The following ADAMTS2 variants were observed in gnomAD, a reference collection of about 807,000 sequenced individuals.
ADAMTS2 encodes ADAM metallopeptidase with thrombospondin type 1 motif 2.
ADAMTS2 carries 50 observed loss-of-function variants against 123.0 expected under a neutral mutation model. The observed-to-expected ratio is 0.41, with a 90% CI of 0.32 to 0.51. The LOEUF (loss-of-function observed/expected upper bound fraction) is 0.51. Among genes scored for constraint, ADAMTS2 ranks in the 20% least tolerant of loss-of-function variants. The probability of loss-of-function intolerance (pLI) is 0.35; values close to 1 mark genes in which losing one functional copy is unlikely to be tolerated. For missense variants in ADAMTS2, 1,494 were observed against 1,705.2 expected, an observed-to-expected ratio of 0.88 and a Z score of 2.18; for synonymous variants, 678 against 695.4, an observed-to-expected ratio of 0.98 and a Z score of 0.39.
intron 3 of ADAMTS2, among the ~76,000 whole-genome samples, chr5:179,239,123 A>G (rs1335559012): frequency 6.6e-6 from 1 of 152,176 alleles, no homozygotes; most frequent in Non-Finnish European, 1.5e-5. Flanking sequence ...GCTGTTAGAG[A>G]AAAGAATCCC....
intron 3 of ADAMTS2, among the ~76,000 whole-genome samples, chr5:179,245,452 T>C (rs962370049): frequency 6.6e-6 from 1 of 152,044 alleles, no homozygotes; most frequent in African/African-American, 2.4e-5. Context: ...CCAACACAAG[T>C]TGCACAGCAA....
intron 2 of ADAMTS2, among the ~76,000 whole-genome samples, chr5:179,309,229 C>T (rs1186041938): frequency 2.6e-5 from 4 of 152,236 alleles, no homozygotes; most frequent in African/African-American, 7.2e-5. Context: ...CAGGCACCCA[C>T]TGGGGCAGAC....
chr5:179,140,176 G>C, intron 10 of ADAMTS2, 141 bp from the exon 11 acceptor site: 3 of 1,245,720 alleles, frequency 2.4e-6, no homozygotes, highest in African/African-American at 1.5e-5. Flanking sequence ...CTCGCCCCTA[G>C]ATGCTCAGAG....
intron 2 of ADAMTS2, among the ~76,000 whole-genome samples, chr5:179,279,004 G>A (rs546375362): frequency 1.3e-5 from 2 of 152,012 alleles, no homozygotes; most frequent in Non-Finnish European, 2.9e-5. Context: ...CAGCCTGGAA[G>A]TTAGGGGTTC....
At chr5:179,231,980 A>ATC (rs1765421649) in intron 3 of ADAMTS2, among the ~76,000 whole-genome samples, 2 of 152,108 alleles carry the variant, frequency 1.3e-5, no homozygotes, top group African/African-American at 4.8e-5. Context: ...TATCCCAGAG[A>ATC]GTGAAGGCAG....
At position 179,111,493 on chromosome 5, in the gene ADAMTS2, A is replaced by G. The variant is rs1395968594; in HGVS notation, c.*2374T>C. On this transcript the variant is annotated 3_prime_UTR_variant, in exon 22 of 22. Coordinates refer to ENST00000251582, the MANE Select transcript of ADAMTS2 (RefSeq NM_014244.5). Reference sequence around the variant, plus strand: ...TCCGGCTCTAGAGGACTCTTGATATATGGCTCAAGGATTGAGGATGGCACA... The same window carrying G: ...TCCGGCTCTAGAGGACTCTTGATATGTGGCTCAAGGATTGAGGATGGCACA... The G allele has an allele frequency of 6.6e-6, 1 of 152,248 alleles. No individual in the cohort carries two copies. The highest frequency in any genetic ancestry group is 1.5e-5 in the Non-Finnish European group (1 of 68,060). 9.4% of individuals were successfully genotyped at this position (152,248 alleles called of 1,614,324 possible).
chr5:179,264,399 G>T (rs546791461), intron 3 of ADAMTS2, among the ~76,000 whole-genome samples: 1 of 152,314 alleles, frequency 6.6e-6, no homozygotes, highest in South Asian at 2.1e-4. Context: ...AGATGTCACA[G>T]ACATGAAAAG....
intron 2 of ADAMTS2, among the ~76,000 whole-genome samples, chr5:179,311,153 C>T (rs965786769): frequency 6.6e-6 from 1 of 151,536 alleles, no homozygotes; most frequent in African/African-American, 2.4e-5. Flanking sequence ...AGCAGATGTT[C>T]ACTCTGAGGC....
Position 179,312,478 on chromosome 5 carries a change from C to T in ADAMTS2, c.534+31289G>A, listed in dbSNP as rs1029957615. On this transcript the variant is annotated intron_variant, in intron 2 of 21. Transcript: ENST00000251582. This position sits in a 1 kb window ranked among gnomAD's most constrained non-coding sequence, Gnocchi z 4.2. The stretch of plus-strand genomic sequence containing the variant: ...CTTCTTGAACCAGGGAGCAGACCCT[C>T]ACCACAACCATATGCACAGCTTCCA... Among the ~76,000 whole-genome samples the T allele has an allele frequency of 6.6e-6, 1 of 152,230 alleles. No homozygotes were observed. The highest frequency in any genetic ancestry group is 1.5e-5 in the Non-Finnish European group (1 of 68,054).
intron 3 of ADAMTS2, among the ~76,000 whole-genome samples, chr5:179,265,988 C>T (rs986211586): frequency 5.0e-4 from 76 of 152,324 alleles, no homozygotes; most frequent in African/African-American, 1.8e-3. Flanking sequence ...AGTGGCTTGG[C>T]AGGGCCCAGG....
rs969641735 is a variant in ADAMTS2 at position 179,260,168 on chromosome 5, G to A, written c.688+12743C>T. Among the ~76,000 whole-genome samples the A allele has an allele frequency of 6.6e-6, 1 of 152,140 alleles. No individual in the cohort carries two copies. The highest frequency in any genetic ancestry group is 1.5e-5 in the Non-Finnish European group (1 of 68,022). ...AGTAGCCACCCACAGCTGCCAACCT[G>A]AGTCTGCAGCCCTGACACTGTGGCA... On this transcript the variant is annotated intron_variant, in intron 3 of 21. Transcript: ENST00000251582. The surrounding 1 kb of genome is among the most constrained non-coding windows in gnomAD (Gnocchi z 4.2).
chr5:179,280,307 G>A lies in ADAMTS2; in HGVS notation c.535-7243C>T, dbSNP rs145346916. Among the ~76,000 whole-genome samples, 715 of 152,302 alleles carry A rather than the reference G, an allele frequency of 4.7e-3. 17 individuals carry two copies. Among genetic ancestry groups the A allele is most frequent in the Admixed American group, 0.031 (481 of 15,304 alleles). On this transcript the variant is annotated intron_variant, in intron 2 of 21. Transcript: ENST00000251582. ...CACTTTGAAGGGCAGGGTGGGGGGC[G>A]AGGCAGGCAGGGAGAGTAAGCACTG...
intron 3 of ADAMTS2, among the ~76,000 whole-genome samples, chr5:179,257,756 G>A (rs1238218510): frequency 3.9e-5 from 6 of 152,146 alleles, no homozygotes; most frequent in Non-Finnish European, 8.8e-5. Flanking sequence ...CAAGAAGCTC[G>A]GTCCTGAGCG....
At chr5:179,274,102 A>T (rs1463989281) in intron 2 of ADAMTS2, among the ~76,000 whole-genome samples, 1 of 129,660 alleles carries the variant, frequency 7.7e-6, no homozygotes, top group Non-Finnish European at 1.6e-5. Context: ...CCTGCCATCC[A>T]GCCTGCCCTC....
At chr5:179,205,925 C>G (rs2113370474) in intron 4 of ADAMTS2, among the ~76,000 whole-genome samples, 1 of 152,120 alleles carries the variant, frequency 6.6e-6, no homozygotes, top group East Asian at 1.9e-4. Context: ...GCGCCCGCCA[C>G]CACGCCCGGC....
chr5:179,144,613 T>C lies in ADAMTS2; in HGVS notation c.1630-4578A>G, dbSNP rs78811316. ...AAAGCCTAGAACTAAACCTTTACAT[T>C]TGATAAGTTAAACTTTGACAATTCA... On this transcript the variant is annotated intron_variant, in intron 10 of 21. Coordinates refer to ENST00000251582, the MANE Select transcript of ADAMTS2 (RefSeq NM_014244.5). 2.5e-4 allele frequency among the ~76,000 whole-genome samples: 38 copies of C among 152,350 alleles called. No homozygotes were observed. In the East Asian group the frequency reaches 6.4e-3, roughly 26 times the overall value.
In ADAMTS2 at chr5:179,267,105, C is replaced by T. The variant is rs570811290; in HGVS notation, c.688+5806G>A. On this transcript the variant is annotated intron_variant, in intron 3 of 21. Transcript: ENST00000251582. ...GCACACCCAGGGGGAACTGTCATGCCTGAGGTCCGCCCCCACCCCCGCCGC... is the reference window on the plus strand; with the variant it reads ...GCACACCCAGGGGGAACTGTCATGCTTGAGGTCCGCCCCCACCCCCGCCGC... 4.6e-5 allele frequency among the ~76,000 whole-genome samples: 7 copies of T among 152,296 alleles called. No homozygotes were observed. In the South Asian group the frequency reaches 6.2e-4, roughly 14 times the overall value.
At chr5:179,209,723 G>A (rs891839033) in intron 3 of ADAMTS2, among the ~76,000 whole-genome samples, 1 of 152,218 alleles carries the variant, frequency 6.6e-6, no homozygotes, top group Non-Finnish European at 1.5e-5. Context: ...ATGACTCAGG[G>A]CCATCCATGC....
intron 4 of ADAMTS2, among the ~76,000 whole-genome samples, chr5:179,199,840 T>C (rs1764520643): frequency 6.6e-6 from 1 of 152,250 alleles, no homozygotes; most frequent in Non-Finnish European, 1.5e-5. Flanking sequence ...CTAAATGCTC[T>C]AATATTTGCA....
Sources: gnomAD v4.1 joint callset for allele counts (sites outside exome capture counted in the v4.1 genomes callset) on GRCh38, gnomAD v4.1.1 for gene constraint, Gnocchi (gnomAD v3.1) non-coding constraint, MANE v1.5 for transcripts, NCBI Gene and HGNC (gene_info 2026-07-23, HGNC 2026-07-21) for gene names.